The following ATG7 variants were observed in gnomAD, a reference collection of about 807,000 sequenced individuals.
ATG7 encodes ubiquitin-like modifier-activating enzyme ATG7.
Under a neutral mutation model 82.4 loss-of-function variants are expected in ATG7, and 70 were observed. The observed-to-expected ratio is 0.85, with a 90% CI of 0.70 to 1.04. The LOEUF (loss-of-function observed/expected upper bound fraction) is 1.04. ATG7 is among the 50% of genes least tolerant of loss of function. The pLI, the probability that ATG7 is intolerant of heterozygous loss-of-function variation, is 0.00. For synonymous variants in ATG7, 287 were observed against 313.0 expected (o/e 0.92, Z 0.88); for missense variants, 792 against 864.3 (o/e 0.92, Z 1.05).
intron 20 of ATG7, among the ~76,000 whole-genome samples, chr3:11,459,487 A>G (rs1359237847): frequency 1.0e-5 from 1 of 98,860 alleles, no homozygotes; most frequent in East Asian, 3.5e-4. Context: ...GAATAAAAAC[A>G]GGAGCCAAGT....
rs1308680131 is a variant in ATG7, at chr3:11,347,976, G to A, written c.1225G>A (p.Gly409Ser). ...CTATGAGTTTGAAGATTGCCTAGGG[G>A]GTGGTAAGCCCAAGGCTCTGGCAGC... ...PLYEFEDCLGGGKPKALAAAD... is the reference protein window; with the variant it reads ...PLYEFEDCLGSGKPKALAAAD... The change falls in exon 14 of 21, where the codon GGT becomes AGT. Residue 409 changes from glycine (G) to serine (S), a missense_variant. Coordinates refer to ENST00000693202, the MANE Select transcript of ATG7 (RefSeq NM_001349232.2). 1 of 1,614,162 alleles carries A rather than the reference G, an allele frequency of 6.2e-7. No individual in the cohort carries two copies. The highest frequency in any genetic ancestry group is 1.1e-5 in the South Asian group (1 of 91,080).
intron 14 of ATG7, among the ~76,000 whole-genome samples, chr3:11,355,879 G>A (rs2075899566): frequency 6.6e-6 from 1 of 152,042 alleles, no homozygotes; most frequent in Non-Finnish European, 1.5e-5. Context: ...ATATATACAT[G>A]AAAATACTTA....
intron 20 of ATG7, among the ~76,000 whole-genome samples, chr3:11,480,797 G>C (rs1012570103): frequency 6.6e-6 from 1 of 152,194 alleles, no homozygotes; most frequent in Non-Finnish European, 1.5e-5. Flanking sequence ...CTGGGAGAGC[G>C]AGGAGGGCCT....
In ATG7 at chr3:11,306,978, T is replaced by C. The variant is rs199737137; in HGVS notation, c.251T>C (p.Ile84Thr). ...ACCCCAGCCCGTTGCTGCCCAGCTA[T>C]TGGAACACTGTATAACACCAACACA... The part of the protein sequence containing the change: ...APTPARCCPA[I>T]GTLYNTNTLE... The change falls in exon 6 of 21, where the codon ATT becomes ACT. Residue 84 changes from isoleucine (I) to threonine (T), a missense_variant. Ile to Thr is a moderately conservative substitution (Grantham distance 89). Transcript: ENST00000693202. 21 of 1,614,112 alleles carry C rather than the reference T, an allele frequency of 1.3e-5. No homozygotes were observed. In the East Asian group the frequency reaches 4.7e-4, roughly 36 times the overall value.
intron 19 of ATG7, among the ~76,000 whole-genome samples, chr3:11,422,616 T>A (rs1461891270): frequency 6.6e-6 from 1 of 152,176 alleles, no homozygotes; most frequent in Non-Finnish European, 1.5e-5. Flanking sequence ...GTAGCACTTA[T>A]AATTTCCTTC....
At chr3:11,479,093 A>G (rs1047026102) in intron 20 of ATG7, among the ~76,000 whole-genome samples, 2 of 151,480 alleles carry the variant, frequency 1.3e-5, no homozygotes, top group African/African-American at 4.9e-5. Flanking sequence ...TTGGGAATCT[A>G]ATCTTCTCAA....
chr3:11,351,860 T>TC (rs1242558662), intron 14 of ATG7, among the ~76,000 whole-genome samples: 1 of 151,942 alleles, frequency 6.6e-6, no homozygotes, highest in East Asian at 1.9e-4. Flanking sequence ...TCTTTTTTTT[T>TC]TTTTATTATA....
intron 11 of ATG7, among the ~76,000 whole-genome samples, chr3:11,333,786 C>T (rs1251124874): frequency 6.8e-6 from 1 of 147,092 alleles, no homozygotes; most frequent in Non-Finnish European, 1.5e-5. Context: ...CTCACTCTGT[C>T]GCCCAGGCTA....
chr3:11,419,230 T>C (rs1163129068), intron 19 of ATG7, among the ~76,000 whole-genome samples: 1 of 152,202 alleles, frequency 6.6e-6, no homozygotes, highest in Non-Finnish European at 1.5e-5. Flanking sequence ...AGATAGAGTG[T>C]ACATTTCCTG....
chr3:11,471,863 G>C (rs111964947), intron 20 of ATG7, among the ~76,000 whole-genome samples: 5,826 of 148,490 alleles, frequency 0.039, 124 homozygotes, highest in African/African-American at 0.055. Flanking sequence ...TCAGCCTCCT[G>C]AGTAGCTGGG....
rs1415144150 is a variant in ATG7, at chr3:11,362,796, T to C, written c.1684-17T>C. On this transcript the variant is annotated splice_polypyrimidine_tract_variant and intron_variant, in intron 16 of 20. Coordinates refer to ENST00000693202, the MANE Select transcript of ATG7 (RefSeq NM_001349232.2). ...GAGTAGAACGTTCTGCACACACCAATGATTGTTTCTTTGCAGTCAACCAGA... is the reference window on the plus strand; with the variant it reads ...GAGTAGAACGTTCTGCACACACCAACGATTGTTTCTTTGCAGTCAACCAGA... The C allele has an allele frequency of 6.2e-7, 1 of 1,609,544 alleles. No homozygotes were observed. Among genetic ancestry groups the C allele is most frequent in the South Asian group, 1.1e-5 (1 of 90,810 alleles).
At chr3:11,516,400 A>T (rs546716179) in intron 20 of ATG7, among the ~76,000 whole-genome samples, 3 of 152,360 alleles carry the variant, frequency 2.0e-5, no homozygotes, top group Admixed American at 6.5e-5. Flanking sequence ...ACTAGATACC[A>T]TGTAAACACC....
At chr3:11,570,546 C>T in the ATG7 span, among the ~76,000 whole-genome samples, 2 of 152,164 alleles carry the variant, frequency 1.3e-5, no homozygotes, top group Admixed American at 1.3e-4. Context: ...GACCACATAC[C>T]AGATGTTCTA....
chr3:11,371,159 T>C (rs1212175766), intron 18 of ATG7, among the ~76,000 whole-genome samples: 1 of 151,212 alleles, frequency 6.6e-6, no homozygotes, highest in Non-Finnish European at 1.5e-5. Context: ...TTCTCTGGGG[T>C]ATCATTTTCC....
chr3:11,464,984 A>G (rs2454493), intron 20 of ATG7, among the ~76,000 whole-genome samples: 127,239 of 152,076 alleles, frequency 0.84, 53,396 homozygotes, highest in East Asian at 1. Context: ...CACATCTATC[A>G]TCATCGTCAT....
At chr3:11,526,183 G>C (rs1201859905) in intron 20 of ATG7, among the ~76,000 whole-genome samples, 2 of 152,120 alleles carry the variant, frequency 1.3e-5, no homozygotes, top group Non-Finnish European at 2.9e-5. Flanking sequence ...TTGAGCTCAG[G>C]AGTTCAAGAC....
chr3:11,443,275 C>T (rs1467777539), intron 20 of ATG7, among the ~76,000 whole-genome samples: 1 of 152,198 alleles, frequency 6.6e-6, no homozygotes, highest in Non-Finnish European at 1.5e-5. Flanking sequence ...TAGTCTTAAA[C>T]CATTATCTCC....
chr3:11,354,620 G>A (rs2075800893), intron 14 of ATG7, among the ~76,000 whole-genome samples: 1 of 121,684 alleles, frequency 8.2e-6, no homozygotes, highest in Non-Finnish European at 1.6e-5. Context: ...CTGCACTCCA[G>A]TCTGGTCACA....
At chr3:11,541,187 A>C (rs796636533) in intron 20 of ATG7, among the ~76,000 whole-genome samples, 1 of 152,230 alleles carries the variant, frequency 6.6e-6, no homozygotes, top group Admixed American at 6.5e-5. Context: ...GGCGTGAGCC[A>C]TCGCGCCCGG....
Sources: gnomAD v4.1 joint callset for allele counts (sites outside exome capture counted in the v4.1 genomes callset) on GRCh38, gnomAD v4.1.1 for gene constraint, MANE v1.5 for transcripts, NCBI Gene and HGNC (gene_info 2026-07-23, HGNC 2026-07-21) for gene names.